Variants in TRDN observed in about 807,000 individuals in gnomAD.
The protein encoded by TRDN is triadin in skeletal muscle.
TRDN carries 161 observed loss-of-function variants against 149.7 expected under a neutral mutation model. That is an observed-to-expected ratio of 1.08 (90% CI 0.95 to 1.23). The LOEUF (loss-of-function observed/expected upper bound fraction) is 1.23. TRDN is among the 50% of genes most tolerant of loss of function. The probability of loss-of-function intolerance (pLI) is 0.00; values close to 1 mark genes in which losing one functional copy is unlikely to be tolerated. For missense variants in TRDN, 896 were observed against 823.5 expected (o/e 1.09, Z -1.08); for synonymous variants, 294 against 250.5 (o/e 1.17, Z -1.64).
At chr6:123,432,697 A>T (rs62419025) in intron 12 of TRDN, among the ~76,000 whole-genome samples, 19,212 of 151,980 alleles carry the variant, frequency 0.13, 1,697 homozygotes, top group South Asian at 0.3. Flanking sequence ...TTCCAACCTG[A>T]CTTTATCTTT....
At chr6:123,615,006 A>T (rs2114691715) in intron 1 of TRDN, among the ~76,000 whole-genome samples, 1 of 152,322 alleles carries the variant, frequency 6.6e-6, no homozygotes, top group Non-Finnish European at 1.5e-5. Flanking sequence ...CTGAATAGAC[A>T]TCGCTCAAAA....
At chr6:123,458,447 G>T (rs73544293) in intron 10 of TRDN, among the ~76,000 whole-genome samples, 6 of 152,282 alleles carry the variant, frequency 3.9e-5, no homozygotes, top group African/African-American at 1.4e-4. Flanking sequence ...AAAGAGAAAA[G>T]ACTGAAGTCC....
At chr6:123,508,647 T>G (rs1022816909) in intron 7 of TRDN, among the ~76,000 whole-genome samples, 2 of 152,176 alleles carry the variant, frequency 1.3e-5, no homozygotes, top group Admixed American at 1.3e-4. Context: ...TCTCAGTGGA[T>G]ATGGGGTCCT....
rs1219981506 is a variant in TRDN, at chr6:123,502,428, T to C, written c.793+1291A>G. ...ATGACTTATATCTTAAAATAATAAA[T>C]TAAAATTATCTAAATTTAAAGGTTT... On this transcript the variant is annotated intron_variant, in intron 8 of 40. Transcript: ENST00000334268. 3 of 625,116 alleles carry C rather than the reference T, an allele frequency of 4.8e-6. No individual in the cohort carries two copies. The African/African-American group carries it at 6.0e-5, about 12-fold the overall frequency. 38.7% of individuals were successfully genotyped at this position (625,116 alleles called of 1,614,324 possible). A position where few individuals can be genotyped will look rare whatever the true frequency, so the allele number is the denominator to read the frequency against.
intron 21 of TRDN, among the ~76,000 whole-genome samples, chr6:123,342,910 G>A (rs188679355): frequency 4.7e-4 from 72 of 152,092 alleles, no homozygotes; most frequent in African/African-American, 1.3e-3. Flanking sequence ...ACACATACTC[G>A]AAATTCCACA....
chr6:123,270,925 T>C (rs1777185118), intron 30 of TRDN, among the ~76,000 whole-genome samples: 1 of 152,006 alleles, frequency 6.6e-6, no homozygotes, highest in East Asian at 1.9e-4. Context: ...AAAGTTATGC[T>C]ACTCTAGCTA....
chr6:123,611,087 T>C (rs1052309170), intron 1 of TRDN, among the ~76,000 whole-genome samples: 4 of 152,184 alleles, frequency 2.6e-5, no homozygotes, highest in African/African-American at 7.2e-5. Flanking sequence ...CTATTTACCT[T>C]AGTCATTTGT....
At chr6:123,631,989 T>C (rs889116389) in intron 1 of TRDN, among the ~76,000 whole-genome samples, 1 of 152,132 alleles carries the variant, frequency 6.6e-6, no homozygotes, top group Non-Finnish European at 1.5e-5. Context: ...ATATAATTAT[T>C]CATTAAGGTT....
chr6:123,293,401 G>A (rs765716497), intron 24 of TRDN, among the ~76,000 whole-genome samples: 90 of 152,112 alleles, frequency 5.9e-4, no homozygotes, highest in Admixed American at 1.8e-3. Flanking sequence ...TGACACAACA[G>A]CAGAAGTTTC....
At chr6:123,252,388 G>T (rs747506523) in intron 38 of TRDN, 24 bp downstream of exon 38, 3 of 1,439,220 alleles carry the variant, frequency 2.1e-6, no homozygotes, top group Non-Finnish European at 2.8e-6. Context: ...AAGAGAACTT[G>T]TCATTAATAC....
intron 33 of TRDN, among the ~76,000 whole-genome samples, chr6:123,262,232 G>A (rs1395298587): frequency 1.3e-5 from 2 of 151,834 alleles, no homozygotes; most frequent in East Asian, 3.9e-4. Flanking sequence ...AATAAATTGA[G>A]GACATATATT....
chr6:123,590,116 G>A (rs1399507593), intron 1 of TRDN, among the ~76,000 whole-genome samples: 6 of 152,150 alleles, frequency 3.9e-5, no homozygotes, highest in East Asian at 1.9e-4. Context: ...CCCAGGCCAC[G>A]GACCCATTAG....
At chr6:123,452,475 C>A (rs1190649602) in intron 10 of TRDN, among the ~76,000 whole-genome samples, 1 of 142,756 alleles carries the variant, frequency 7.0e-6, no homozygotes, top group African/African-American at 2.6e-5. Flanking sequence ...AAAATTAAAT[C>A]AAGAGCTCAA....
Position 123,269,875 on chromosome 6 carries a change from A to G in TRDN, c.1721-9T>C, listed in dbSNP as rs1777147960. 1 of 1,610,138 alleles carries G rather than the reference A, an allele frequency of 6.2e-7. No individual in the cohort carries two copies. Among genetic ancestry groups the G allele is most frequent in the Non-Finnish European group, 8.5e-7 (1 of 1,177,818 alleles). Reference sequence around the variant, plus strand: ...TGTTGGTTTGGGCTTGGCTGTGGAGAATGGAGGCAAGCACATGGCATATTG... The same window carrying G: ...TGTTGGTTTGGGCTTGGCTGTGGAGGATGGAGGCAAGCACATGGCATATTG... On this transcript the variant is annotated splice_polypyrimidine_tract_variant and intron_variant, in intron 30 of 40. Transcript: ENST00000334268.
chr6:123,575,821 C>T (rs946632092), intron 1 of TRDN, among the ~76,000 whole-genome samples: 1 of 152,028 alleles, frequency 6.6e-6, no homozygotes, highest in African/African-American at 2.4e-5. Context: ...GATGCCTTAT[C>T]GATCAGATGA....
At chr6:123,220,455 A>T (rs903146728) in intron 40 of TRDN, among the ~76,000 whole-genome samples, 5 of 151,872 alleles carry the variant, frequency 3.3e-5, no homozygotes, top group Non-Finnish European at 7.4e-5. Context: ...TAAAATGAAA[A>T]TATGTCCAGA....
At chr6:123,438,003 CT>C in intron 12 of TRDN, 59 bp downstream of exon 12, 3 of 1,424,692 alleles carry the variant, frequency 2.1e-6, no homozygotes, top group African/African-American at 1.4e-5. Flanking sequence ...CATGAGGAGT[CT>C]TTCATGAAGC....
intron 24 of TRDN, among the ~76,000 whole-genome samples, chr6:123,288,031 C>T (rs914398302): frequency 6.6e-6 from 1 of 151,042 alleles, no homozygotes; most frequent in African/African-American, 2.4e-5. Context: ...CCATTTATAC[C>T]CTATTATGCA....
intron 1 of TRDN, among the ~76,000 whole-genome samples, chr6:123,586,922 G>A (rs1562408839): frequency 1.3e-5 from 2 of 151,906 alleles, no homozygotes; most frequent in African/African-American, 2.4e-5. Context: ...AGAGGTTAGG[G>A]CACAGAAATA....
Sources: gnomAD v4.1 joint callset for allele counts (sites outside exome capture counted in the v4.1 genomes callset) on GRCh38, gnomAD v4.1.1 for gene constraint, MANE v1.5 for transcripts, NCBI Gene and HGNC (gene_info 2026-07-23, HGNC 2026-07-21) for gene names.